Variants in LRRC4C observed in about 807,000 individuals in gnomAD.
The protein encoded by LRRC4C is leucine rich repeat containing 4C, also known as leucine-rich repeat-containing protein 4C.
A neutral mutation model predicts 33.6 loss-of-function variants in LRRC4C; 5 were observed. The ratio of observed to expected loss-of-function variants is 0.15; its 90% CI spans 0.08 to 0.31. The LOEUF is 0.31. Ranked by LOEUF, LRRC4C falls within the 10% of genes least tolerant of loss-of-function variation. The pLI is 1.00. For synonymous variants in LRRC4C, 329 were observed against 302.0 expected (o/e 1.09, Z -0.93); for missense variants, 560 against 796.7 (o/e 0.70, Z 3.58).
intron 1 of LRRC4C, among the ~76,000 whole-genome samples, chr11:41,245,809 A>G (rs979558026): frequency 1.3e-5 from 2 of 152,192 alleles, no homozygotes; most frequent in Non-Finnish European, 2.9e-5. Flanking sequence ...AGCAAGGTGA[A>G]GAGGTGCTTT....
At chr11:40,532,935 A>G (rs10437589) in intron 3 of LRRC4C, among the ~76,000 whole-genome samples, 85,571 of 151,902 alleles carry the variant, frequency 0.56, 24,449 homozygotes, top group East Asian at 0.79. Flanking sequence ...TAGCAGGAGG[A>G]AAACTAAATG....
intron 5 of LRRC4C, among the ~76,000 whole-genome samples, chr11:40,223,704 C>T (rs1397884387): frequency 1.3e-5 from 2 of 152,150 alleles, no homozygotes; most frequent in African/African-American, 4.8e-5. Flanking sequence ...AGGGAACAGA[C>T]AAAATACCAA....
chr11:41,117,226 A>G (rs1423083594), intron 1 of LRRC4C, among the ~76,000 whole-genome samples: 1 of 152,172 alleles, frequency 6.6e-6, no homozygotes, highest in Non-Finnish European at 1.5e-5. Flanking sequence ...AGAACTACCC[A>G]GCTGAGCTCA....
intron 2 of LRRC4C, among the ~76,000 whole-genome samples, chr11:40,893,694 A>G (rs1479319027): frequency 6.6e-6 from 1 of 152,106 alleles, no homozygotes; most frequent in South Asian, 2.1e-4. Context: ...CAAAATGCTT[A>G]CCAAATTATG....
At chr11:40,927,128 C>T (rs539313405) in intron 2 of LRRC4C, among the ~76,000 whole-genome samples, 3 of 152,242 alleles carry the variant, frequency 2.0e-5, no homozygotes, top group African/African-American at 7.2e-5. Flanking sequence ...GTAATCCCAG[C>T]ACTTTGGGAG....
At chr11:40,292,290 A>T (rs1470820) in intron 4 of LRRC4C, 149,101 of 152,094 alleles carry the variant, frequency 0.98, 73,146 homozygotes, top group East Asian at 1. Context: ...AATAAAAATT[A>T]AAAAAAAAGG....
At chr11:41,320,752 C>G (rs1032121683) in intron 1 of LRRC4C, among the ~76,000 whole-genome samples, 1 of 152,086 alleles carries the variant, frequency 6.6e-6, no homozygotes, top group African/African-American at 2.4e-5. Flanking sequence ...TATCAAAGAC[C>G]AGCATCGTTA....
intron 3 of LRRC4C, among the ~76,000 whole-genome samples, chr11:40,330,841 C>A (rs1359739456): frequency 2.0e-5 from 3 of 152,080 alleles, no homozygotes; most frequent in African/African-American, 7.2e-5. Flanking sequence ...ACAGCCAAAC[C>A]ATATCACCTC....
At chr11:41,127,971 C>T (rs1476710850) in intron 1 of LRRC4C, among the ~76,000 whole-genome samples, 2 of 152,092 alleles carry the variant, frequency 1.3e-5, no homozygotes, top group Admixed American at 1.3e-4. Flanking sequence ...AGCCAAGGTT[C>T]CACTATTGGC....
At chr11:41,236,489 T>C (rs992650258) in intron 1 of LRRC4C, among the ~76,000 whole-genome samples, 4 of 152,100 alleles carry the variant, frequency 2.6e-5, no homozygotes, top group Non-Finnish European at 4.4e-5. Flanking sequence ...AAAAAGGATT[T>C]GTGAAAGTTT....
chr11:40,589,077 T>C (rs1441234569), intron 3 of LRRC4C, among the ~76,000 whole-genome samples: 1 of 152,146 alleles, frequency 6.6e-6, no homozygotes, highest in Non-Finnish European at 1.5e-5. Flanking sequence ...GACAGTGGGG[T>C]GTTAAAGTCT....
chr11:40,788,338 C>T (rs1000432120), intron 2 of LRRC4C, among the ~76,000 whole-genome samples: 7 of 152,060 alleles, frequency 4.6e-5, no homozygotes, highest in African/African-American at 1.7e-4. Context: ...GTTCCTTTCA[C>T]TTCTGTCTTA....
chr11:40,389,185 A>C (rs1387663561), intron 3 of LRRC4C, among the ~76,000 whole-genome samples: 2 of 152,104 alleles, frequency 1.3e-5, no homozygotes, highest in African/African-American at 2.4e-5. Context: ...AGGAGATATA[A>C]ATCAGAGATC....
At chr11:41,130,303 A>G (rs575373497) in intron 1 of LRRC4C, among the ~76,000 whole-genome samples, 41 of 152,082 alleles carry the variant, frequency 2.7e-4, no homozygotes, top group Admixed American at 7.2e-4. Context: ...GAGTGTCAAT[A>G]ATGCAGTTTT....
chr11:40,818,268 T>C (rs999867330), intron 2 of LRRC4C, among the ~76,000 whole-genome samples: 1 of 152,146 alleles, frequency 6.6e-6, no homozygotes, highest in Non-Finnish European at 1.5e-5. Context: ...ACCATTGCAC[T>C]GTAATTGTCT....
At chr11:40,968,187 T>C (rs1050443810) in intron 1 of LRRC4C, among the ~76,000 whole-genome samples, 8 of 152,114 alleles carry the variant, frequency 5.3e-5, no homozygotes, top group Admixed American at 2.0e-4. Flanking sequence ...AGCCACAATA[T>C]TTTCTTAAGC....
At chr11:40,697,524 C>A (rs980882643) in intron 2 of LRRC4C, among the ~76,000 whole-genome samples, 1 of 152,250 alleles carries the variant, frequency 6.6e-6, no homozygotes, top group Non-Finnish European at 1.5e-5. Flanking sequence ...CAGAGGAAAT[C>A]TGAACACTTT....
At chr11:40,628,516 T>G (rs527402602) in intron 3 of LRRC4C, among the ~76,000 whole-genome samples, 1 of 142,310 alleles carries the variant, frequency 7.0e-6, no homozygotes, top group Non-Finnish European at 1.6e-5. Flanking sequence ...AAAACCTAAT[T>G]CATCATCTTT....
At chr11:41,403,302 T>C (rs1954094225) in intron 1 of LRRC4C, among the ~76,000 whole-genome samples, 1 of 152,070 alleles carries the variant, frequency 6.6e-6, no homozygotes, top group African/African-American at 2.4e-5. Flanking sequence ...GCTAGTACTT[T>C]CCAATTGTCT....
Sources: gnomAD v4.1 joint callset for allele counts (sites outside exome capture counted in the v4.1 genomes callset) on GRCh38, gnomAD v4.1.1 for gene constraint, MANE v1.5 for transcripts, NCBI Gene and HGNC (gene_info 2026-07-23, HGNC 2026-07-21) for gene names.